Variants in OSBPL8 observed in about 807,000 individuals in gnomAD.
OSBPL8 encodes oxysterol-binding protein-related protein 8.
Under a neutral mutation model 125.5 loss-of-function variants are expected in OSBPL8, and 59 were observed. The observed-to-expected ratio is 0.47, with a 90% CI of 0.38 to 0.58. The LOEUF is 0.58. Ranked by LOEUF, OSBPL8 falls within the 20% of genes least tolerant of loss-of-function variation. OSBPL8 has a pLI of 0.00. For synonymous variants in OSBPL8, 330 were observed against 338.9 expected (o/e 0.97, Z 0.29); for missense variants, 758 against 1,047.8 (o/e 0.72, Z 3.82).
At chr12:76,468,959 T>A (rs749157203) in intron 2 of OSBPL8, among the ~76,000 whole-genome samples, 1 of 152,176 alleles carries the variant, frequency 6.6e-6, no homozygotes, top group African/African-American at 2.4e-5. Context: ...ATTAGTCACA[T>A]GTGGGAAGTG....
rs115433357 is a variant in OSBPL8 at position 76,542,574 on chromosome 12, C to T, written c.-68+16823G>A. On this transcript the variant is annotated intron_variant, in intron 1 of 23. Coordinates refer to ENST00000261183, the MANE Select transcript of OSBPL8 (RefSeq NM_020841.5). The stretch of plus-strand genomic sequence containing the variant: ...TGGAGTCCAATAATCTGCATTTCTA[C>T]TAAGTTCCCAAGTGATGTACTTTTA... Among the ~76,000 whole-genome samples, 424 of 152,302 alleles carry T rather than the reference C, an allele frequency of 2.8e-3. 2 individuals are homozygous for T. The highest frequency in any genetic ancestry group is 9.8e-3 in the African/African-American group (408 of 41,566).
At chr12:76,495,423 A>G (rs1879173543) in intron 1 of OSBPL8, among the ~76,000 whole-genome samples, 1 of 152,202 alleles carries the variant, frequency 6.6e-6, no homozygotes, top group East Asian at 1.9e-4. Flanking sequence ...ACTATACAAG[A>G]GCTATATAAC....
chr12:76,437,385 T>G (rs1050067368), intron 4 of OSBPL8, among the ~76,000 whole-genome samples: 6 of 152,238 alleles, frequency 3.9e-5, no homozygotes, highest in Admixed American at 3.3e-4. Flanking sequence ...TAACTACATT[T>G]GGTGATTCTT....
chr12:76,474,228 C>T (rs1876522825), intron 2 of OSBPL8, among the ~76,000 whole-genome samples: 1 of 151,972 alleles, frequency 6.6e-6, no homozygotes, highest in Non-Finnish European at 1.5e-5. Context: ...ATTTAACGTC[C>T]AACCAAATCT....
chr12:76,557,194 C>T (rs192343854), intron 1 of OSBPL8, among the ~76,000 whole-genome samples: 1 of 152,280 alleles, frequency 6.6e-6, no homozygotes, highest in African/African-American at 2.4e-5. Context: ...AAAACTAGAT[C>T]TATGTACTGT....
intron 1 of OSBPL8, among the ~76,000 whole-genome samples, chr12:76,532,185 C>T (rs546607069): frequency 6.6e-6 from 1 of 151,880 alleles, no homozygotes; most frequent in South Asian, 2.1e-4. Flanking sequence ...AAACTGTACT[C>T]CTTCAGCTGA....
In OSBPL8 at chr12:76,373,513, C is replaced by T. The variant is rs944046831; in HGVS notation, c.1828-80G>A. ...TGTAAAACCAAAACAAAAAACCCAA[C>T]AAAAATTGCTTGTATAGTTACAGTA... On this transcript the variant is annotated intron_variant, in intron 17 of 23. Coordinates refer to ENST00000261183, the MANE Select transcript of OSBPL8 (RefSeq NM_020841.5). The T allele has an allele frequency of 3.2e-5, 33 of 1,029,650 alleles. No homozygotes were observed. In the African/African-American group the frequency reaches 4.9e-4, roughly 15 times the overall value. The allele number at this position is 1,029,650 out of a possible 1,614,324, so 63.8% of individuals were successfully genotyped here.
chr12:76,399,009 C>G (rs962165428), intron 7 of OSBPL8, among the ~76,000 whole-genome samples: 1 of 152,172 alleles, frequency 6.6e-6, no homozygotes, highest in Non-Finnish European at 1.5e-5. Context: ...GCAGCTTTAA[C>G]TCTGAAAAAC....
At chr12:76,390,287 T>G (rs902783201) in intron 11 of OSBPL8, 133 bp downstream of exon 11, 2 of 646,888 alleles carry the variant, frequency 3.1e-6, no homozygotes, top group African/African-American at 3.6e-5. Flanking sequence ...ATTTCATATG[T>G]ATGCAATTTT....
intron 4 of OSBPL8, among the ~76,000 whole-genome samples, chr12:76,420,518 G>C (rs542388228): frequency 6.6e-6 from 1 of 152,012 alleles, no homozygotes; most frequent in South Asian, 2.1e-4. Flanking sequence ...TAATCATAAA[G>C]AAAAAGGTTA....
intron 4 of OSBPL8, among the ~76,000 whole-genome samples, chr12:76,442,026 C>T (rs959229084): frequency 1.3e-5 from 2 of 151,972 alleles, no homozygotes; most frequent in African/African-American, 2.4e-5. Context: ...ATTGCATGCT[C>T]GTATAAAAAC....
At chr12:76,406,406 A>T (rs1052872957) in intron 5 of OSBPL8, among the ~76,000 whole-genome samples, 1 of 152,214 alleles carries the variant, frequency 6.6e-6, no homozygotes, top group African/African-American at 2.4e-5. Context: ...ATCAACTTAA[A>T]GAGATGTGAG....
chr12:76,396,492 C>T (rs1404374470), intron 8 of OSBPL8, among the ~76,000 whole-genome samples: 1 of 152,092 alleles, frequency 6.6e-6, no homozygotes, highest in Non-Finnish European at 1.5e-5. Flanking sequence ...GGCATGGTGG[C>T]TCACATCTGT....
intron 2 of OSBPL8, among the ~76,000 whole-genome samples, chr12:76,482,824 T>G (rs1877670112): frequency 6.6e-6 from 1 of 152,212 alleles, no homozygotes; most frequent in African/African-American, 2.4e-5. Flanking sequence ...AGTATTCTCA[T>G]GTTGTGTGGC....
chr12:76,503,348 T>C (rs1342794229), intron 1 of OSBPL8, among the ~76,000 whole-genome samples: 4 of 152,182 alleles, frequency 2.6e-5, no homozygotes, highest in Non-Finnish European at 5.9e-5. Context: ...CCTCTGTACG[T>C]GTCTGTATCC....
intron 1 of OSBPL8, among the ~76,000 whole-genome samples, chr12:76,556,651 T>C (rs1951109388): frequency 6.6e-6 from 1 of 152,164 alleles, no homozygotes. Context: ...TGTATATTTC[T>C]CAGAGGCTTT....
intron 22 of OSBPL8, among the ~76,000 whole-genome samples, chr12:76,357,327 A>G (rs1466116172): frequency 6.6e-6 from 1 of 152,218 alleles, no homozygotes; most frequent in Non-Finnish European, 1.5e-5. Context: ...TATTTAACAT[A>G]CAGTCTGGCA....
At chr12:76,497,923 T>C (rs907808425) in intron 1 of OSBPL8, among the ~76,000 whole-genome samples, 2 of 152,230 alleles carry the variant, frequency 1.3e-5, no homozygotes, top group African/African-American at 2.4e-5. Flanking sequence ...TTTATATAGA[T>C]TGTTTTTGTT....
intron 1 of OSBPL8, among the ~76,000 whole-genome samples, chr12:76,514,394 A>C (rs1399862724): frequency 1.3e-5 from 2 of 150,748 alleles, no homozygotes; most frequent in Non-Finnish European, 3.0e-5. Flanking sequence ...CTTGTGATCT[A>C]CCCGCTTCAG....
Sources: allele counts gnomAD v4.1 joint callset (sites outside exome capture counted in the v4.1 genomes callset), GRCh38; gene constraint gnomAD v4.1.1; transcripts MANE v1.5; gene names NCBI Gene and HGNC (gene_info 2026-07-23, HGNC 2026-07-21).